MED26: variants seen among roughly 807,000 people sequenced by gnomAD.
MED26 encodes the protein mediator complex subunit 26, also known as mediator of RNA polymerase II transcription subunit 26.
MED26 carries 7 observed loss-of-function variants against 43.7 expected under a neutral mutation model. That is an observed-to-expected ratio of 0.16 (90% CI 0.09 to 0.30). The LOEUF is 0.30. Among genes scored for constraint, MED26 ranks in the 10% least tolerant of loss-of-function variants. The pLI is 1.00. For synonymous variants in MED26, 375 were observed against 371.1 expected (o/e 1.01, Z -0.12); for missense variants, 784 against 840.6 (o/e 0.93, Z 0.83).
At chr19:16,578,214 G>A (rs781533201) in intron 2 of MED26, 121 bp downstream of exon 2, 12 of 933,024 alleles carry the variant, frequency 1.3e-5, no homozygotes, top group East Asian at 2.4e-5. Context: ...AGGGCACACC[G>A]CCTCTCTTGG....
At chr19:16,610,242 TAA>T in intron 1 of MED26, 1 of 152,116 alleles carries the variant, frequency 6.6e-6, no homozygotes, top group South Asian at 2.1e-4. Context: ...CCTGGACAAG[TAA>T]AGTTTTTAGA....
At chr19:16,615,637 T>C (rs940040844) in intron 1 of MED26, among the ~76,000 whole-genome samples, 2 of 151,882 alleles carry the variant, frequency 1.3e-5, no homozygotes, top group South Asian at 2.1e-4. Flanking sequence ...TCCCAGCAAC[T>C]TGGGAGGCTG....
intron 1 of MED26, among the ~76,000 whole-genome samples, chr19:16,593,540 T>C (rs920809462): frequency 6.6e-6 from 1 of 152,344 alleles, no homozygotes; most frequent in Non-Finnish European, 1.5e-5. Flanking sequence ...AGGGACTTGA[T>C]ACATGCCAAA....
chr19:16,595,121 A>AC (rs1179075191), intron 1 of MED26, among the ~76,000 whole-genome samples: 2 of 151,402 alleles, frequency 1.3e-5, no homozygotes, highest in Non-Finnish European at 2.9e-5. Context: ...CAGTGGCAGC[A>AC]CCCCCCATGT....
rs1235204933 is a variant in MED26, at chr19:16,602,682, C to T, written c.73-24273G>A. On this transcript the variant is annotated intron_variant, in intron 1 of 2. Transcript: ENST00000263390. ...TTTCAGCCTTAAAAAGGAAGGGAAT[C>T]CTGACACATGCAACAACACAGATGA... 3.3e-5 allele frequency among the ~76,000 whole-genome samples: 5 copies of T among 152,170 alleles called. No homozygotes were observed. In the East Asian group the frequency reaches 7.7e-4, roughly 23 times the overall value.
intron 1 of MED26, among the ~76,000 whole-genome samples, chr19:16,623,272 C>T (rs899275556): frequency 7.9e-5 from 12 of 152,192 alleles, no homozygotes; most frequent in African/African-American, 2.9e-4. Context: ...CTCCTGTGTC[C>T]TGGCCACAAT....
intron 1 of MED26, among the ~76,000 whole-genome samples, chr19:16,609,970 A>G (rs2086192381): frequency 6.7e-6 from 1 of 149,894 alleles, no homozygotes; most frequent in Admixed American, 6.7e-5. Flanking sequence ...AAAAAAAGGC[A>G]ATGTTATTTC....
intron 1 of MED26, among the ~76,000 whole-genome samples, chr19:16,620,255 C>T (rs1305030147): frequency 6.6e-6 from 1 of 152,216 alleles, no homozygotes. Context: ...TGGCCTCTCA[C>T]ATGACAAGGG....
chr19:16,625,643 C>G (rs1297316539), intron 1 of MED26, among the ~76,000 whole-genome samples: 1 of 152,044 alleles, frequency 6.6e-6, no homozygotes, highest in Non-Finnish European at 1.5e-5. Flanking sequence ...GGCACGCCGG[C>G]AGCACCTGTG....
At chr19:16,624,336 G>A (rs902800083) in intron 1 of MED26, 5 of 152,152 alleles carry the variant, frequency 3.3e-5, no homozygotes, top group Admixed American at 6.6e-5. Flanking sequence ...AGAGTGCCTC[G>A]GTCACCTCTC....
chr19:16,628,068 T>G lies in MED26; in HGVS notation c.-125A>C, dbSNP rs1352005384. 4.4e-5 allele frequency: 21 copies of G among 477,720 alleles called. No homozygotes were observed. The allele number at this position is 477,720 out of a possible 1,614,324, so 29.6% of individuals were successfully genotyped here. ...GCATGTTCCCCGCGGCGCCGGGGGGTTGGGGGCGCGCGGGGTGGCGGAGAG... is the reference window on the plus strand; with the variant it reads ...GCATGTTCCCCGCGGCGCCGGGGGGGTGGGGGCGCGCGGGGTGGCGGAGAG... On this transcript the variant is annotated 5_prime_UTR_variant, in exon 1 of 3. Coordinates refer to ENST00000263390, the MANE Select transcript of MED26 (RefSeq NM_004831.5).
chr19:16,612,220 A>G (rs1489726216), intron 1 of MED26: 1 of 152,200 alleles, frequency 6.6e-6, no homozygotes, highest in Non-Finnish European at 1.5e-5. Context: ...TCCAGGTATC[A>G]ATTACGTCAA....
chr19:16,576,315 T>A lies in MED26; in HGVS notation c.1515A>T (p.Pro505=). ...ACTCAGACATGAAGTGGTGAGCCCCTGGGGTCTGCGCGCCCGATGATGAGA... is the reference window on the plus strand; with the variant it reads ...ACTCAGACATGAAGTGGTGAGCCCCAGGGGTCTGCGCGCCCGATGATGAGA... ...SLLSSSGAQT[P]GAHHFMSEYL... The change falls in exon 3 of 3, where the codon CCA becomes CCT. Residue 505 remains proline, a synonymous_variant. Transcript: ENST00000263390. The surrounding 1 kb of genome is among the most constrained non-coding windows in gnomAD (Gnocchi z 6.8). 6.2e-7 allele frequency: 1 copy of A among 1,613,528 alleles called. No individual in the cohort carries two copies. The highest frequency in any genetic ancestry group is 8.5e-7 in the Non-Finnish European group (1 of 1,180,016).
chr19:16,609,544 C>CATATGT (rs1331973707), intron 1 of MED26, among the ~76,000 whole-genome samples: 1 of 152,054 alleles, frequency 6.6e-6, no homozygotes, highest in African/African-American at 2.4e-5. Flanking sequence ...TGCATATTTA[C>CATATGT]ATATGTATAT....
At chr19:16,627,708 C>G (rs2086287604) in intron 1 of MED26, among the ~76,000 whole-genome samples, 164 bp downstream of exon 1, 1 of 152,218 alleles carries the variant, frequency 6.6e-6, no homozygotes, top group African/African-American at 2.4e-5. Context: ...CCCGACCTGC[C>G]CCCGGCCCGG....
Position 16,590,123 on chromosome 19 carries a change from AG to A in MED26, c.73-11715del, listed in dbSNP as rs528358559. ...GAGTACTCAACAGATGAGTGTCCCC[AG>A]GAAGAAGTGAGCACTAATGCTACTG... On this transcript the variant is annotated intron_variant, in intron 1 of 2. Transcript: ENST00000263390. Among the ~76,000 whole-genome samples, 432 of 152,350 alleles carry A rather than the reference AG, an allele frequency of 2.8e-3. 2 individuals are homozygous for A. The highest frequency in any genetic ancestry group is 5.4e-3 in the Admixed American group (82 of 15,310).
intron 1 of MED26, among the ~76,000 whole-genome samples, chr19:16,615,888 A>G (rs1045757277): frequency 1.3e-5 from 2 of 152,178 alleles, no homozygotes; most frequent in Non-Finnish European, 2.9e-5. Flanking sequence ...AGCAGAAAAC[A>G]GCTCACATCC....
intron 1 of MED26, among the ~76,000 whole-genome samples, chr19:16,627,244 C>T (rs1208407885): frequency 6.6e-6 from 1 of 152,176 alleles, no homozygotes; most frequent in African/African-American, 2.4e-5. Context: ...GATCATCTAT[C>T]GTCGGCAGCG....
chr19:16,622,253 A>G (rs896906454), intron 1 of MED26, among the ~76,000 whole-genome samples: 3 of 152,196 alleles, frequency 2.0e-5, no homozygotes, highest in African/African-American at 7.2e-5. Context: ...CTGACTGCCG[A>G]GCCCACATGC....
Sources: allele counts gnomAD v4.1 joint callset (sites outside exome capture counted in the v4.1 genomes callset), GRCh38; gene constraint gnomAD v4.1.1; non-coding constraint Gnocchi (gnomAD v3.1); transcripts MANE v1.5; gene names NCBI Gene and HGNC (gene_info 2026-07-23, HGNC 2026-07-21).